Variants in RAB3GAP2 observed in about 807,000 individuals in gnomAD.
RAB3GAP2 encodes rab3 GTPase-activating protein non-catalytic subunit.
In RAB3GAP2, 87 loss-of-function variants were observed where a neutral mutation model predicts 185.3. The ratio of observed to expected loss-of-function variants is 0.47; its 90% confidence interval spans 0.39 to 0.56. The LOEUF (loss-of-function observed/expected upper bound fraction) is 0.56, where lower values mean the gene tolerates loss of function less well. Among genes scored for constraint, RAB3GAP2 ranks in the 20% least tolerant of loss-of-function variants. The pLI is 0.00. For missense variants in RAB3GAP2, 1,492 were observed against 1,638.2 expected, an observed-to-expected ratio of 0.91 and a Z score of 1.54; for synonymous variants, 554 against 576.1, an observed-to-expected ratio of 0.96 and a Z score of 0.55.
chr1:220,171,087 C>G lies in RAB3GAP2; in HGVS notation c.2611G>C (p.Ala871Pro). ...SQTVLGADSE[A>P]LTDSWEALSL... Reference sequence around the variant, plus strand: ...AGTGCCTCCCAGGAATCAGTGAGGGCCTCTGAATCAGCACCCAAAACTGTT... The same window carrying G: ...AGTGCCTCCCAGGAATCAGTGAGGGGCTCTGAATCAGCACCCAAAACTGTT... Residue 871 changes from alanine to proline, a missense_variant, in exon 24 of 35, where the codon GCC (alanine) becomes CCC (proline). By Grantham distance (27) the Ala-to-Pro change is conservative. Transcript: ENST00000358951. The G allele has an allele frequency of 6.2e-7, 1 of 1,614,074 alleles. No individual in the cohort carries two copies. Among genetic ancestry groups the G allele is most frequent in the Non-Finnish European group, 8.5e-7 (1 of 1,179,974 alleles).
chr1:220,174,085 T>C (rs1293071467), intron 21 of RAB3GAP2, among the ~76,000 whole-genome samples: 2 of 148,892 alleles, frequency 1.3e-5, no homozygotes, highest in African/African-American at 2.5e-5. Context: ...AGATCTCAAA[T>C]AAATTTAAAA....
chr1:220,264,359 C>T lies in RAB3GAP2; in HGVS notation c.115+7864G>A, dbSNP rs897920877. Reference sequence around the variant, plus strand: ...AAAATTTGGAAAACTAATAATAAAACGAATGGAGGAATTTACAACACTTTG... The same window carrying T: ...AAAATTTGGAAAACTAATAATAAAATGAATGGAGGAATTTACAACACTTTG... On this transcript the variant is annotated intron_variant, in intron 1 of 34. Coordinates refer to ENST00000358951, the MANE Select transcript of RAB3GAP2 (RefSeq NM_012414.4). Among the ~76,000 whole-genome samples, 3 of 151,736 alleles carry T rather than the reference C, an allele frequency of 2.0e-5. No homozygotes were observed. In the East Asian group the frequency reaches 5.9e-4, roughly 30 times the overall value.
chr1:220,194,828 T>C (rs934990117), intron 12 of RAB3GAP2, among the ~76,000 whole-genome samples: 2 of 152,262 alleles, frequency 1.3e-5, no homozygotes, highest in Non-Finnish European at 2.9e-5. Context: ...TAAGTTTATT[T>C]GTTAAAAAGC....
At chr1:220,266,183 C>T in intron 1 of RAB3GAP2, 1 of 175,244 alleles carries the variant, frequency 5.7e-6, no homozygotes, top group Non-Finnish European at 1.2e-5. Context: ...TCTCTAGCAG[C>T]TGTCCACAGT....
intron 9 of RAB3GAP2, among the ~76,000 whole-genome samples, chr1:220,199,209 C>T (rs1386872737): frequency 6.6e-6 from 1 of 151,860 alleles, no homozygotes; most frequent in Non-Finnish European, 1.5e-5. Flanking sequence ...GGAAATTACT[C>T]GATTTTGGAT....
chr1:220,185,162 CAGTTTCA>C (rs1396138234), intron 18 of RAB3GAP2, among the ~76,000 whole-genome samples: 4 of 152,144 alleles, frequency 2.6e-5, no homozygotes, highest in African/African-American at 9.7e-5. Flanking sequence ...TACAACCCCA[CAGTTTCA>C]AGTTTCAAGT....
intron 2 of RAB3GAP2, among the ~76,000 whole-genome samples, chr1:220,222,289 A>G (rs1659323457): frequency 2.0e-5 from 3 of 152,206 alleles, no homozygotes; most frequent in Non-Finnish European, 4.4e-5. Flanking sequence ...AGATAGCAGA[A>G]CTTTGTACTC....
chr1:220,238,626 C>A (rs1232410938), intron 1 of RAB3GAP2, among the ~76,000 whole-genome samples: 1 of 152,156 alleles, frequency 6.6e-6, no homozygotes, highest in Non-Finnish European at 1.5e-5. Flanking sequence ...TCTCCAAATA[C>A]AACATTCTCT....
At chr1:220,218,718 C>A (rs1373593425) in intron 2 of RAB3GAP2, among the ~76,000 whole-genome samples, 1 of 150,420 alleles carries the variant, frequency 6.6e-6, no homozygotes, top group Non-Finnish European at 1.5e-5. Flanking sequence ...TGCACATGTA[C>A]CCTAGAACTT....
Position 220,157,855 on chromosome 1 carries a change from C to G in RAB3GAP2, c.3283G>C (p.Ala1095Pro). ...CAGGAGCCGAGGAAAGATGTCATTG[C>G]TGTGTCACTCATTCCCACATCCTGT... ...CRRDVGMSDT[A>P]MTSFLGSCLD... Residue 1095 changes from alanine (A) to proline (P), a missense_variant, in exon 30 of 35, where the codon GCA becomes CCA. Around this residue, in one of 5 missense-constraint regions of RAB3GAP2, gnomAD observed 387 missense variants for 455.3 expected, o/e 0.85. Coordinates refer to ENST00000358951, the MANE Select transcript of RAB3GAP2 (RefSeq NM_012414.4). 6.2e-7 allele frequency: 1 copy of G among 1,613,606 alleles called. No individual in the cohort carries two copies. Among genetic ancestry groups the G allele is most frequent in the South Asian group, 1.1e-5 (1 of 91,056 alleles).
chr1:220,227,784 C>T (rs1659427651), intron 2 of RAB3GAP2, among the ~76,000 whole-genome samples: 1 of 152,214 alleles, frequency 6.6e-6, no homozygotes, highest in African/African-American at 2.4e-5. Flanking sequence ...CAGAGTCTTA[C>T]TCTGTTGCTC....
rs552820590 is a variant in RAB3GAP2 at position 220,179,219 on chromosome 1, C to T, written c.2310+3038G>A. Among the ~76,000 whole-genome samples the T allele has an allele frequency of 1.8e-4, 25 of 139,902 alleles. No individual in the cohort carries two copies. In the South Asian group the frequency reaches 2.3e-3, roughly 13 times the overall value. 91.8% of individuals were successfully genotyped at this position (139,902 alleles called of 152,430 possible). ...AGCCGAGATCATGACACTGCACTCC[C>T]GCCTGGGCGACAGTGAGACTGTCTC... On this transcript the variant is annotated intron_variant, in intron 21 of 34. Transcript: ENST00000358951.
intron 1 of RAB3GAP2, among the ~76,000 whole-genome samples, chr1:220,251,375 A>G (rs1253423101): frequency 1.3e-5 from 2 of 152,228 alleles, no homozygotes; most frequent in Non-Finnish European, 2.9e-5. Context: ...AGGTTAAGAG[A>G]TATGATTATA....
Position 220,272,380 on chromosome 1 carries a change from C to G in RAB3GAP2, c.-43G>C. On this transcript the variant is annotated 5_prime_UTR_variant, in exon 1 of 35. Coordinates refer to ENST00000358951, the MANE Select transcript of RAB3GAP2 (RefSeq NM_012414.4). The stretch of plus-strand genomic sequence containing the variant: ...CTACGGCACTCACCTTACCTCACCA[C>G]GCCCTGCCCCCTCCACCCCACTGCG... The G allele has an allele frequency of 7.1e-7, 1 of 1,418,188 alleles. No individual in the cohort carries two copies. The highest frequency in any genetic ancestry group is 9.8e-7 in the Non-Finnish European group (1 of 1,017,390). 87.9% of individuals were successfully genotyped at this position (1,418,188 alleles called of 1,614,324 possible).
chr1:220,224,434 A>G (rs1033629955), intron 2 of RAB3GAP2, among the ~76,000 whole-genome samples: 2 of 152,216 alleles, frequency 1.3e-5, no homozygotes, highest in Non-Finnish European at 2.9e-5. Context: ...TAAATAAATC[A>G]CAGTACAGCT....
intron 26 of RAB3GAP2, among the ~76,000 whole-genome samples, chr1:220,166,088 C>T (rs917920154): frequency 1.3e-5 from 2 of 152,124 alleles, no homozygotes; most frequent in Non-Finnish European, 2.9e-5. Flanking sequence ...TAAATATGAT[C>T]GCCATTCAGG....
chr1:220,184,413 C>T (rs931741281), intron 18 of RAB3GAP2, among the ~76,000 whole-genome samples: 1 of 152,040 alleles, frequency 6.6e-6, no homozygotes, highest in African/African-American at 2.4e-5. Context: ...GAAATATCTT[C>T]ATCTAATACT....
intron 1 of RAB3GAP2, among the ~76,000 whole-genome samples, chr1:220,239,089 T>C (rs1038127194): frequency 6.6e-6 from 1 of 152,214 alleles, no homozygotes; most frequent in African/African-American, 2.4e-5. Flanking sequence ...TATTTTATAA[T>C]ATAATGAACA....
At chr1:220,253,466 G>C in intron 1 of RAB3GAP2, 2 of 1,497,720 alleles carry the variant, frequency 1.3e-6, no homozygotes, top group Non-Finnish European at 1.8e-6. Flanking sequence ...ATGTAGAGCT[G>C]GCAGTGCCTG....
Sources: gnomAD v4.1 joint callset for allele counts (sites outside exome capture counted in the v4.1 genomes callset) on GRCh38, gnomAD v4.1.1 for gene constraint, gnomAD v4.1.1 regional missense constraint, MANE v1.5 for transcripts, NCBI Gene and HGNC (gene_info 2026-07-23, HGNC 2026-07-21) for gene names.